FREM1: variants seen among roughly 807,000 people sequenced by gnomAD.
FREM1 encodes the protein FRAS1 related extracellular matrix 1.
FREM1 carries 220 observed loss-of-function variants against 210.1 expected under a neutral mutation model. The observed-to-expected ratio is 1.05, with a 90% CI of 0.94 to 1.17. The LOEUF (loss-of-function observed/expected upper bound fraction) is 1.17, where lower values mean the gene tolerates loss of function less well. Ranked by LOEUF, FREM1 falls within the 50% of genes most tolerant of loss-of-function variation. The probability of loss-of-function intolerance (pLI) is 0.00; values close to 1 mark genes in which losing one functional copy is unlikely to be tolerated. For synonymous variants in FREM1, 1,189 were observed against 980.2 expected (o/e 1.21, Z -3.98); for missense variants, 3,454 against 2,675.5 (o/e 1.29, Z -6.42).
At chr9:14,902,311 T>G (rs777604800) in intron 1 of FREM1, among the ~76,000 whole-genome samples, 2 of 152,224 alleles carry the variant, frequency 1.3e-5, no homozygotes, top group Non-Finnish European at 2.9e-5. Context: ...ATATGATCTC[T>G]GACCGTGTCT....
At position 14,737,391 on chromosome 9, in the gene FREM1, T is replaced by G; in HGVS notation, c.*5A>C. ...CCAGGTGGCCCCCTGTAGGGTCTGT[T>G]ATATTTAGAGTTTTCTGGAACACAC... is the stretch of plus-strand genomic sequence containing the variant. On this transcript the variant is annotated 3_prime_UTR_variant, in exon 37 of 37. Coordinates refer to ENST00000380880, the MANE Select transcript of FREM1 (RefSeq NM_001379081.2). The G allele has an allele frequency of 6.2e-7, 1 of 1,612,056 alleles. No homozygotes were observed. The highest frequency in any genetic ancestry group is 1.1e-5 in the South Asian group (1 of 90,858).
At position 14,739,463 on chromosome 9, in the gene FREM1, T is replaced by TATATATATATATATATATATAATTC. The variant is rs58425457; in HGVS notation, c.6340+685_6340+686insGAATTATATATATATATATATATAT. Reference sequence around the variant, plus strand: ...TAATTATTTGGAATATATATATATATATATATATATATAATTCATATATAT... The same window carrying TATATATATATATATATATATAATTC: ...TAATTATTTGGAATATATATATATATATATATATATATATATATATAATTCATATATATATATAATTCATATATAT... On this transcript the variant is annotated intron_variant, in intron 36 of 36. Transcript: ENST00000380880. 1.6e-3 allele frequency among the ~76,000 whole-genome samples: 228 copies of TATATATATATATATATATATAATTC among 138,246 alleles called. 1 individual carries two copies. The highest frequency in any genetic ancestry group is 5.1e-3 in the African/African-American group (192 of 37,540). 90.7% of individuals were successfully genotyped at this position (138,246 alleles called of 152,430 possible). A position where few individuals can be genotyped will look rare whatever the true frequency, so the allele number is the denominator to read the frequency against.
rs1248087065 is a variant in FREM1, at chr9:14,896,532, G to A, written c.-268+13382C>T. ...TGCACTCCAGCCTGGGCCACAGAGC[G>A]AGACTCCATCTCAAAAAAAAAAAAA... On this transcript the variant is annotated intron_variant, in intron 1 of 36. Transcript: ENST00000380880. Among the ~76,000 whole-genome samples the A allele has an allele frequency of 6.0e-5, 8 of 133,868 alleles. No individual in the cohort carries two copies. The East Asian group carries it at 1.3e-3, about 21-fold the overall frequency. The allele number at this position is 133,868 out of a possible 152,430, so 87.8% of individuals were successfully genotyped here. A position where few individuals can be genotyped will look rare whatever the true frequency, so the allele number is the denominator to read the frequency against.
intron 1 of FREM1, among the ~76,000 whole-genome samples, chr9:14,895,877 C>A (rs552593450): frequency 1.3e-5 from 2 of 152,124 alleles, no homozygotes; most frequent in African/African-American, 4.8e-5. Context: ...AGATCTTCAT[C>A]CCTCTACAAC....
At chr9:14,767,552 T>A (rs573195011) in intron 27 of FREM1, among the ~76,000 whole-genome samples, 8 of 152,296 alleles carry the variant, frequency 5.3e-5, no homozygotes, top group Admixed American at 2.6e-4. Context: ...ATTAAATGAA[T>A]AGCAATGAAA....
intron 1 of FREM1, among the ~76,000 whole-genome samples, chr9:14,907,228 T>G (rs1554730484): frequency 1.3e-5 from 2 of 152,156 alleles, no homozygotes; most frequent in Non-Finnish European, 2.9e-5. Context: ...AGCACATAAA[T>G]CACACCTATA....
chr9:14,878,058 C>T (rs956505800), intron 1 of FREM1, among the ~76,000 whole-genome samples: 1 of 152,196 alleles, frequency 6.6e-6, no homozygotes, highest in Non-Finnish European at 1.5e-5. Context: ...TACTTCTACT[C>T]CTGCCTTTCC....
intron 10 of FREM1, among the ~76,000 whole-genome samples, chr9:14,838,294 A>C (rs911615446): frequency 1.3e-5 from 2 of 152,232 alleles, no homozygotes; most frequent in Non-Finnish European, 2.9e-5. Context: ...TAATCATTTT[A>C]TCTGGACTTC....
chr9:14,908,333 C>A (rs558015092), intron 1 of FREM1, among the ~76,000 whole-genome samples: 1 of 152,202 alleles, frequency 6.6e-6, no homozygotes. Flanking sequence ...AACTCAGCCT[C>A]GCCCAACCCC....
intron 1 of FREM1, among the ~76,000 whole-genome samples, chr9:14,903,761 T>C (rs1056157152): frequency 4.6e-5 from 7 of 152,192 alleles, no homozygotes; most frequent in African/African-American, 1.7e-4. Context: ...TATTGTGCCT[T>C]AAGCAGTCTC....
At chr9:14,742,495 C>T (rs1587634852) in intron 35 of FREM1, among the ~76,000 whole-genome samples, 1 of 152,024 alleles carries the variant, frequency 6.6e-6, no homozygotes, top group Non-Finnish European at 1.5e-5. Context: ...TAAAACACCA[C>T]TGGGGAGGAA....
intron 27 of FREM1, among the ~76,000 whole-genome samples, chr9:14,760,521 A>C (rs1259575766): frequency 6.6e-6 from 1 of 152,222 alleles, no homozygotes; most frequent in African/African-American, 2.4e-5. Flanking sequence ...AAACCTGAGA[A>C]ATAGAGGATA....
chr9:14,778,446 A>C (rs1308998963), intron 24 of FREM1, among the ~76,000 whole-genome samples: 1 of 150,358 alleles, frequency 6.7e-6, no homozygotes, highest in East Asian at 2.0e-4. Flanking sequence ...CCCTTTCTCT[A>C]CAAAAAATAC....
rs552426582 is a variant in FREM1 at position 14,842,401 on chromosome 9, G to A, written c.1653C>T (p.Asp551=). The change falls in exon 9 of 37, where the codon GAC becomes GAT. Residue 551 remains aspartate, a synonymous_variant. Coordinates refer to ENST00000380880, the MANE Select transcript of FREM1 (RefSeq NM_001379081.2). ...QGSMLRASDV[D]ASDDYIFFNI... is the part of the protein sequence containing the mutation. ...TGAAGAAGATGTAGTCATCACTGGC[G>A]TCCACATCTGAAGCTCGCAGCATGG... 117 of 1,613,748 alleles carry A rather than the reference G, an allele frequency of 7.3e-5. No individual in the cohort carries two copies. The highest frequency in any genetic ancestry group is 1.6e-4 in the Middle Eastern group (1 of 6,062).
At chr9:14,888,062 T>C (rs1836132385) in intron 1 of FREM1, among the ~76,000 whole-genome samples, 1 of 152,184 alleles carries the variant, frequency 6.6e-6, no homozygotes, top group Non-Finnish European at 1.5e-5. Context: ...CCTCCCAAAG[T>C]GCTGGGATTA....
intron 7 of FREM1, among the ~76,000 whole-genome samples, chr9:14,848,411 T>C (rs184948617): frequency 2.0e-5 from 3 of 152,336 alleles, no homozygotes; most frequent in Admixed American, 1.3e-4. Context: ...AGTTGAAAAG[T>C]GTCCCTTTGT....
chr9:14,887,824 A>G (rs1836081649), intron 1 of FREM1, among the ~76,000 whole-genome samples: 1 of 152,204 alleles, frequency 6.6e-6, no homozygotes, highest in African/African-American at 2.4e-5. Context: ...ACATAAATAT[A>G]CAGTGATTTA....
chr9:14,782,805 T>C (rs928337325), intron 24 of FREM1, among the ~76,000 whole-genome samples: 4 of 152,236 alleles, frequency 2.6e-5, no homozygotes, highest in Non-Finnish European at 4.4e-5. Context: ...TAAGCTCATA[T>C]AAACCTCCCG....
chr9:14,766,926 C>A (rs142844923), intron 27 of FREM1, among the ~76,000 whole-genome samples: 1 of 152,240 alleles, frequency 6.6e-6, no homozygotes, highest in East Asian at 1.9e-4. Flanking sequence ...CAAATGTTTC[C>A]GGGATACTTC....
Sources: gnomAD v4.1 joint callset for allele counts (sites outside exome capture counted in the v4.1 genomes callset) on GRCh38, gnomAD v4.1.1 for gene constraint, MANE v1.5 for transcripts, NCBI Gene and HGNC (gene_info 2026-07-23, HGNC 2026-07-21) for gene names.